Variants in CASD1 observed in about 807,000 individuals in gnomAD.
CASD1 encodes the protein CAS1 domain sialic acid O acetyltransferase 1.
CASD1 carries 41 observed loss-of-function variants against 100.0 expected under a neutral mutation model. The ratio of observed to expected loss-of-function variants is 0.41; its 90% confidence interval spans 0.32 to 0.53. The LOEUF is 0.53. CASD1 is among the 20% of genes least tolerant of loss of function. The probability of loss-of-function intolerance (pLI) is 0.25; values close to 1 mark genes in which losing one functional copy is unlikely to be tolerated. For missense variants in CASD1, 774 were observed against 948.7 expected (o/e 0.82, Z 2.42); for synonymous variants, 321 against 315.6 (o/e 1.02, Z -0.18).
chr7:94,518,053 G>A (rs1214971468), intron 2 of CASD1, 150 bp from the exon 3 acceptor site: 3 of 646,248 alleles, frequency 4.6e-6, no homozygotes, highest in East Asian at 5.8e-5. Flanking sequence ...ACGTGGAGTG[G>A]TAAGTTAAAC....
intron 3 of CASD1, among the ~76,000 whole-genome samples, chr7:94,523,625 A>G (rs796918861): frequency 5.9e-5 from 9 of 152,338 alleles, no homozygotes; most frequent in African/African-American, 2.2e-4. Context: ...TAAAGATGTC[A>G]GTTATTCCCA....
chr7:94,524,582 G>A (rs889913854), intron 3 of CASD1, among the ~76,000 whole-genome samples: 1 of 152,058 alleles, frequency 6.6e-6, no homozygotes, highest in Non-Finnish European at 1.5e-5. Context: ...AAAATAATTT[G>A]CGTTATCATT....
chr7:94,539,159 A>G (rs1795263246), intron 10 of CASD1, 103 bp downstream of exon 10: 1 of 488,336 alleles, frequency 2.0e-6, no homozygotes, highest in African/African-American at 2.0e-5. Flanking sequence ...TCTACCAGTT[A>G]TAGACCCTTC....
rs377446822 is a variant in CASD1 at position 94,521,541 on chromosome 7, G to A, written c.351+3218G>A. On this transcript the variant is annotated intron_variant, in intron 3 of 17. Transcript: ENST00000297273. ...AAAACTTAAGTTAAAGATGCACAGT[G>A]AAACTTCAAGAATAAGGACCGAAAG... is the stretch of plus-strand genomic sequence containing the variant. Among the ~76,000 whole-genome samples the A allele has an allele frequency of 8.5e-4, 129 of 152,056 alleles. No homozygotes were observed. In the South Asian group the frequency reaches 0.026, roughly 31 times the overall value.
chr7:94,586,895 TTAAGA>T, the CASD1 span: 2 of 985,016 alleles, frequency 2.0e-6, no homozygotes, highest in Non-Finnish European at 1.2e-6. Flanking sequence ...CCTTTGGCAC[TTAAGA>T]TATTTTGGGG....
the CASD1 span, among the ~76,000 whole-genome samples, chr7:94,632,509 A>C: frequency 6.6e-6 from 1 of 152,016 alleles, no homozygotes; most frequent in Non-Finnish European, 1.5e-5. Context: ...TACCTTGGCA[A>C]CTCCACAGTA....
chr7:94,623,927 G>A, the CASD1 span: 2 of 367,844 alleles, frequency 5.4e-6, no homozygotes, highest in East Asian at 3.9e-5. Flanking sequence ...AAGTAGTAAG[G>A]ATCATAGTCC....
At position 94,544,431 on chromosome 7, in the gene CASD1, C is replaced by T. The variant is rs1208199897; in HGVS notation, c.1377C>T (p.His459=). The T allele has an allele frequency of 1.9e-6, 3 of 1,613,154 alleles. No individual in the cohort carries two copies. The highest frequency in any genetic ancestry group is 1.1e-5 in the South Asian group (1 of 90,978). Reference sequence around the variant, plus strand: ...AACAGTTTTTGCCTGTATACATGCACATTCGAGTTCTGGTTGCTGCATATT... The same window carrying T: ...AACAGTTTTTGCCTGTATACATGCATATTCGAGTTCTGGTTGCTGCATATT... The part of the protein sequence containing the change: ...GASTFLPVYM[H]IRVLVAAYLF... The change falls in exon 11 of 18, where the codon CAC becomes CAT. Residue 459 remains histidine (H), a synonymous_variant. Transcript: ENST00000297273.
chr7:94,587,549 A>G, the CASD1 span: 2 of 1,318,544 alleles, frequency 1.5e-6, no homozygotes, highest in Non-Finnish European at 1.9e-6. Flanking sequence ...TAGTGGTAGT[A>G]GGGATTCATT....
chr7:94,608,211 A>G, the CASD1 span, among the ~76,000 whole-genome samples: 1 of 152,142 alleles, frequency 6.6e-6, no homozygotes. Flanking sequence ...GCATGGTGGC[A>G]CACGCCTGTA....
rs374247667 is a variant in CASD1, at chr7:94,537,540, A to C, written c.912A>C (p.Gln304His). The C allele has an allele frequency of 1.9e-6, 3 of 1,613,798 alleles. No homozygotes were observed. The highest frequency in any genetic ancestry group is 2.5e-6 in the Non-Finnish European group (3 of 1,179,890). The change falls in exon 9 of 18, where the codon CAA becomes CAC. Residue 304 changes from glutamine (Q) to histidine (H), a missense_variant. Around this residue, in one of 5 missense-constraint regions of CASD1, gnomAD observed 453 missense variants for 532.6 expected, o/e 0.85. Transcript: ENST00000297273. ...ILKPVDGSCC[Q>H]PRPPVTLIQK... is the part of the protein sequence containing the mutation. ...AGCCTGTAGATGGGTCCTGTTGTCA[A>C]CCTCGGCCTCCTGTTACTCTCATAC... is the stretch of plus-strand genomic sequence containing the variant.
the CASD1 span, among the ~76,000 whole-genome samples, chr7:94,581,545 A>G: frequency 2.0e-5 from 3 of 151,782 alleles, no homozygotes; most frequent in Non-Finnish European, 2.9e-5. Flanking sequence ...CTGCCCTCCA[A>G]CAGGTCCCTG....
chr7:94,562,732 A>C, the CASD1 span, among the ~76,000 whole-genome samples: 2 of 152,022 alleles, frequency 1.3e-5, no homozygotes, highest in African/African-American at 4.8e-5. Flanking sequence ...TGTGGACCAG[A>C]TGTCAGGCTG....
the CASD1 span, chr7:94,617,690 G>T: frequency 6.6e-6 from 1 of 152,190 alleles, no homozygotes; most frequent in Non-Finnish European, 1.5e-5. Flanking sequence ...ATGTATGCTT[G>T]ACTGATTTCA....
chr7:94,513,606 G>T lies in CASD1; in HGVS notation c.133+3389G>T, dbSNP rs553409798. The stretch of plus-strand genomic sequence containing the variant: ...ACACCCACAGCAGTAGGAATTAGCA[G>T]TTCAGTTCTGCCAGCAACTTACACA... On this transcript the variant is annotated intron_variant, in intron 1 of 17. Coordinates refer to ENST00000297273, the MANE Select transcript of CASD1 (RefSeq NM_022900.5). Among the ~76,000 whole-genome samples the T allele has an allele frequency of 2.0e-5, 3 of 152,298 alleles. No homozygotes were observed. In the East Asian group the frequency reaches 5.8e-4, roughly 29 times the overall value.
At chr7:94,552,456 C>A in intron 16 of CASD1, 29 bp downstream of exon 16, 1 of 1,497,612 alleles carries the variant, frequency 6.7e-7, no homozygotes. Context: ...GAAATTTCTA[C>A]ATCTTAATTC....
chr7:94,558,743 C>A (rs1224295051), downstream of CASD1, among the ~76,000 whole-genome samples: 1 of 151,998 alleles, frequency 6.6e-6, no homozygotes, highest in Non-Finnish European at 1.5e-5. Context: ...AAACTATATT[C>A]CCAAAATTGT....
intron 10 of CASD1, 29 bp downstream of exon 10, chr7:94,539,085 G>A: frequency 7.6e-7 from 1 of 1,315,314 alleles, no homozygotes; most frequent in Non-Finnish European, 1.1e-6. Flanking sequence ...AGTTCAGAAA[G>A]TATAGGAAGT....
In CASD1 at chr7:94,538,992, C is replaced by G; in HGVS notation, c.1292C>G (p.Thr431Arg). 1 of 1,607,006 alleles carries G rather than the reference C, an allele frequency of 6.2e-7. No individual in the cohort carries two copies. The highest frequency in any genetic ancestry group is 8.5e-7 in the Non-Finnish European group (1 of 1,174,482). ...ACTAAAGTATTAAATAGAGAACAAA[C>G]AGACGAATGGAAAGGCTGGATGCAA... The part of the protein sequence containing the change: ...KETKVLNREQ[T>R]DEWKGWMQLV... Residue 431 changes from threonine (T) to arginine (R), a missense_variant, in exon 10 of 18, where the codon ACA becomes AGA. This residue lies in a region of CASD1 where 453 missense variants were observed against 532.6 expected (regional missense o/e 0.85). Transcript: ENST00000297273.
Sources: gnomAD v4.1 joint callset for allele counts (sites outside exome capture counted in the v4.1 genomes callset) on GRCh38, gnomAD v4.1.1 for gene constraint, gnomAD v4.1.1 regional missense constraint, MANE v1.5 for transcripts, NCBI Gene and HGNC (gene_info 2026-07-23, HGNC 2026-07-21) for gene names.